SUSD6: variants seen among roughly 807,000 people sequenced by gnomAD.
The protein encoded by SUSD6 is sushi domain containing 6.
In SUSD6, 16 loss-of-function variants were observed where a neutral mutation model predicts 28.4. The ratio of observed to expected loss-of-function variants is 0.56; its 90% CI spans 0.38 to 0.86. The LOEUF (loss-of-function observed/expected upper bound fraction) is 0.86, where lower values mean the gene tolerates loss of function less well. SUSD6 is among the 40% of genes least tolerant of loss of function. The pLI, the probability that SUSD6 is intolerant of heterozygous loss-of-function variation, is 0.00. For synonymous variants in SUSD6, 147 were observed against 159.6 expected, an observed-to-expected ratio of 0.92 and a Z score of 0.59; for missense variants, 341 against 384.2, an observed-to-expected ratio of 0.89 and a Z score of 0.94.
intron 1 of SUSD6, among the ~76,000 whole-genome samples, chr14:69,626,603 TC>T (rs59143153): frequency 6.6e-6 from 1 of 152,156 alleles, no homozygotes; most frequent in Non-Finnish European, 1.5e-5. Context: ...ATTTAATAAT[TC>T]CCCATCAGGA....
intron 2 of SUSD6, among the ~76,000 whole-genome samples, chr14:69,672,909 A>T (rs1292249890): frequency 6.6e-6 from 1 of 152,244 alleles, no homozygotes; most frequent in Non-Finnish European, 1.5e-5. Flanking sequence ...TTTTGTTCAC[A>T]GTACTAGGTG....
chr14:69,671,554 G>A (rs1313109970), intron 2 of SUSD6, among the ~76,000 whole-genome samples: 2 of 152,180 alleles, frequency 1.3e-5, no homozygotes, highest in Non-Finnish European at 2.9e-5. Flanking sequence ...GTCTTATCTG[G>A]CGTCACAAAT....
At chr14:69,642,456 G>A (rs947422951) in intron 1 of SUSD6, among the ~76,000 whole-genome samples, 1 of 152,186 alleles carries the variant, frequency 6.6e-6, no homozygotes, top group Non-Finnish European at 1.5e-5. Flanking sequence ...TGGACTTACA[G>A]TTCCACATGG....
intron 2 of SUSD6, among the ~76,000 whole-genome samples, chr14:69,681,251 C>T (rs1285965202): frequency 6.6e-6 from 1 of 152,104 alleles, no homozygotes; most frequent in Non-Finnish European, 1.5e-5. Flanking sequence ...ACATGAAATA[C>T]GTGTATGCAT....
Position 69,646,679 on chromosome 14 carries a change from C to G in SUSD6, c.-80-11834C>G, listed in dbSNP as rs913816947. Among the ~76,000 whole-genome samples the G allele has an allele frequency of 1.6e-4, 23 of 145,848 alleles. No homozygotes were observed. The Admixed American group carries it at 1.6e-3, about 10-fold the overall frequency. ...TTTATGCAGTTACTTAGGCCAAAAACTTAGGCTTTTTTTTTTCCATCTTTT... is the reference window on the plus strand; with the variant it reads ...TTTATGCAGTTACTTAGGCCAAAAAGTTAGGCTTTTTTTTTTCCATCTTTT... On this transcript the variant is annotated intron_variant, in intron 1 of 5. Transcript: ENST00000342745.
intron 1 of SUSD6, among the ~76,000 whole-genome samples, chr14:69,626,498 C>T (rs1279226720): frequency 1.3e-5 from 2 of 152,080 alleles, no homozygotes; most frequent in African/African-American, 4.8e-5. Flanking sequence ...TCCAAATTTG[C>T]GTTTAATGGT....
At chr14:69,703,772 G>C in intron 3 of SUSD6, 180 bp downstream of exon 3, 1 of 626,426 alleles carries the variant, frequency 1.6e-6, no homozygotes, top group Non-Finnish European at 2.8e-6. Flanking sequence ...TGAGGTTGCT[G>C]GTGCATGTCC....
chr14:69,616,574 A>G (rs1884962316), intron 1 of SUSD6, among the ~76,000 whole-genome samples: 2 of 152,236 alleles, frequency 1.3e-5, no homozygotes, highest in Admixed American at 6.5e-5. Context: ...AAAAGGGTAC[A>G]AGGTGATTTT....
chr14:69,622,435 C>T lies in SUSD6; in HGVS notation c.-81+10607C>T, dbSNP rs564879636. On this transcript the variant is annotated intron_variant, in intron 1 of 5. Transcript: ENST00000342745. ...CGCCTGCCTCAGCCTCCCAAAGTGC[C>T]GGGATTACAGGCATGAGCTACCACC... Among the ~76,000 whole-genome samples, 127 of 151,940 alleles carry T rather than the reference C, an allele frequency of 8.4e-4. 4 individuals are homozygous for T. The South Asian group carries it at 0.025, about 29-fold the overall frequency.
intron 1 of SUSD6, among the ~76,000 whole-genome samples, chr14:69,622,229 A>G (rs1885050973): frequency 6.6e-6 from 1 of 152,276 alleles, no homozygotes; most frequent in African/African-American, 2.4e-5. Flanking sequence ...TAGTGGTACC[A>G]TCGCGGCTCG....
chr14:69,702,572 C>T (rs1886327806), intron 2 of SUSD6, among the ~76,000 whole-genome samples: 1 of 152,222 alleles, frequency 6.6e-6, no homozygotes. Flanking sequence ...CCTTAAAGGC[C>T]ATGCAGCTCA....
intron 2 of SUSD6, among the ~76,000 whole-genome samples, chr14:69,678,227 T>G (rs955569395): frequency 1.3e-5 from 2 of 151,966 alleles, no homozygotes; most frequent in Admixed American, 1.3e-4. Context: ...CACTCAAGAT[T>G]TCTTTTGACA....
intron 1 of SUSD6, among the ~76,000 whole-genome samples, chr14:69,652,905 T>G (rs542869331): frequency 6.6e-6 from 1 of 152,346 alleles, no homozygotes; most frequent in African/African-American, 2.4e-5. Context: ...CTCAGCCCTC[T>G]GCTGTCTTGG....
chr14:69,641,657 A>G (rs1179850944), intron 1 of SUSD6, among the ~76,000 whole-genome samples: 1 of 152,028 alleles, frequency 6.6e-6, no homozygotes, highest in Non-Finnish European at 1.5e-5. Context: ...TGCTGTGATC[A>G]TAGCTCGTTG....
At chr14:69,618,681 CTGTG>C (rs375107386) in intron 1 of SUSD6, among the ~76,000 whole-genome samples, 1 of 151,762 alleles carries the variant, frequency 6.6e-6, no homozygotes, top group African/African-American at 2.4e-5. Flanking sequence ...AAGTTCCCTC[CTGTG>C]TGTGTGTGTG....
chr14:69,623,768 T>C (rs1331513844), intron 1 of SUSD6, among the ~76,000 whole-genome samples: 1 of 151,714 alleles, frequency 6.6e-6, no homozygotes, highest in Non-Finnish European at 1.5e-5. Flanking sequence ...GTTTGTGTCT[T>C]AGTTTTTTAA....
At chr14:69,627,067 G>A (rs1885125307) in intron 1 of SUSD6, among the ~76,000 whole-genome samples, 1 of 152,086 alleles carries the variant, frequency 6.6e-6, no homozygotes, top group Admixed American at 6.6e-5. Context: ...AAGACCTCAT[G>A]GAAGGGACCC....
At chr14:69,679,393 A>G (rs945418871) in intron 2 of SUSD6, among the ~76,000 whole-genome samples, 7 of 152,162 alleles carry the variant, frequency 4.6e-5, no homozygotes, top group Non-Finnish European at 7.3e-5. Context: ...TGAATTATAA[A>G]TATGTAAAAT....
chr14:69,660,293 TAC>T (rs953399836), intron 2 of SUSD6, among the ~76,000 whole-genome samples: 29 of 152,208 alleles, frequency 1.9e-4, no homozygotes, highest in African/African-American at 7.0e-4. Flanking sequence ...AAGAAACAAT[TAC>T]AGATTTTTTT....
Sources: gnomAD v4.1 joint callset for allele counts (sites outside exome capture counted in the v4.1 genomes callset) on GRCh38, gnomAD v4.1.1 for gene constraint, MANE v1.5 for transcripts, NCBI Gene and HGNC (gene_info 2026-07-23, HGNC 2026-07-21) for gene names.